ZNF714: variants seen among roughly 807,000 people sequenced by gnomAD.
ZNF714 encodes the protein zinc finger protein 714.
A neutral mutation model predicts 46.2 loss-of-function variants in ZNF714; 32 were observed. The observed-to-expected ratio is 0.69, with a 90% CI of 0.52 to 0.93. The LOEUF is 0.93. ZNF714 is among the 40% of genes least tolerant of loss of function. ZNF714 has a pLI of 0.00. For synonymous variants in ZNF714, 199 were observed against 213.1 expected, an observed-to-expected ratio of 0.93 and a Z score of 0.58; for missense variants, 635 against 646.3, an observed-to-expected ratio of 0.98 and a Z score of 0.19.
At chr19:21,091,964 A>T (rs897678362) in intron 2 of ZNF714, among the ~76,000 whole-genome samples, 4 of 152,140 alleles carry the variant, frequency 2.6e-5, no homozygotes, top group Non-Finnish European at 4.4e-5. Context: ...TCAGAATTCA[A>T]ATGTTAGACA....
Position 21,117,224 on chromosome 19 carries a change from C to T in ZNF714, c.560C>T (p.Thr187Ile). ...ECDKVFKRFS[T>I]LTRHKRVHTG... The stretch of plus-strand genomic sequence containing the variant: ...GACAAAGTGTTTAAGCGGTTCTCAA[C>T]CCTTACTAGACACAAGAGAGTTCAT... Residue 187 changes from threonine to isoleucine, a missense_variant, in exon 5 of 5, where the codon ACC becomes ATC. Thr to Ile is a moderately conservative substitution (Grantham distance 89). Coordinates refer to ENST00000456283, the MANE Select transcript of ZNF714 (RefSeq NM_182515.4). 6.2e-7 allele frequency: 1 copy of T among 1,613,914 alleles called. No homozygotes were observed. The highest frequency in any genetic ancestry group is 8.5e-7 in the Non-Finnish European group (1 of 1,179,918).
chr19:21,101,005 G>A (rs1232197860), intron 4 of ZNF714, among the ~76,000 whole-genome samples: 4 of 152,144 alleles, frequency 2.6e-5, no homozygotes, highest in East Asian at 1.9e-4. Flanking sequence ...CACCAAGCCC[G>A]GCTTTTTAGA....
Position 21,082,242 on chromosome 19 carries a change from T to C in ZNF714, c.-283T>C. 1 of 1,243,244 alleles carries C rather than the reference T, an allele frequency of 8.0e-7. No individual in the cohort carries two copies. Among genetic ancestry groups the C allele is most frequent in the Non-Finnish European group, 1.1e-6 (1 of 898,918 alleles). The allele number at this position is 1,243,244 out of a possible 1,614,324, so 77.0% of individuals were successfully genotyped here. On this transcript the variant is annotated 5_prime_UTR_variant, in exon 1 of 5. Coordinates refer to ENST00000456283, the MANE Select transcript of ZNF714 (RefSeq NM_182515.4). ...CTGGAGCTGCAGGTCTCGCCTTCAC[T>C]GCCCTGTGTCCTCTGCTCGCAGAGG...
intron 4 of ZNF714, among the ~76,000 whole-genome samples, chr19:21,109,797 A>G: frequency 7.0e-6 from 1 of 142,370 alleles, no homozygotes; most frequent in Admixed American, 7.2e-5. Context: ...CCCATATGTC[A>G]TGTGTTCTTA....
At position 21,117,844 on chromosome 19, in the gene ZNF714, G is replaced by A. The variant is rs745535586; in HGVS notation, c.1180G>A (p.Glu394Lys). 6.2e-7 allele frequency: 1 copy of A among 1,612,272 alleles called. No homozygotes were observed. The highest frequency in any genetic ancestry group is 8.5e-7 in the Non-Finnish European group (1 of 1,179,214). The change falls in exon 5 of 5, where the codon GAG (glutamate) becomes AAG (lysine). Residue 394 changes from glutamate (E) to lysine (K), a missense_variant. Glu to Lys is a moderately conservative substitution (Grantham distance 56). Transcript: ENST00000456283. Reference protein sequence around the residue: ...LTIHKIIHTGEKPYKCEECGK... With the variant: ...LTIHKIIHTGKKPYKCEECGK... Reference sequence around the variant, plus strand: ...TATACATAAGATAATTCATACTGGAGAGAAACCTTACAAATGTGAAGAATG... The same window carrying A: ...TATACATAAGATAATTCATACTGGAAAGAAACCTTACAAATGTGAAGAATG...
chr19:21,086,388 G>A (rs1968779829), intron 2 of ZNF714, among the ~76,000 whole-genome samples: 1 of 152,076 alleles, frequency 6.6e-6, no homozygotes, highest in Non-Finnish European at 1.5e-5. Context: ...CCATAGGCAG[G>A]GCAGCACCGA....
chr19:21,109,087 G>T (rs1194403969), intron 4 of ZNF714, among the ~76,000 whole-genome samples: 1 of 94,706 alleles, frequency 1.1e-5, no homozygotes, highest in Non-Finnish European at 2.5e-5. Flanking sequence ...GTTACTATTT[G>T]CATGGAATAT....
rs1968667702 is a variant in ZNF714 at position 21,082,268 on chromosome 19, C to T, written c.-257C>T. 3 of 1,397,624 alleles carry T rather than the reference C, an allele frequency of 2.1e-6. No homozygotes were observed. Among genetic ancestry groups the T allele is most frequent in the African/African-American group, 2.8e-5 (2 of 70,858 alleles). 86.6% of individuals were successfully genotyped at this position (1,397,624 alleles called of 1,614,324 possible). A position where few individuals can be genotyped will look rare whatever the true frequency, so the allele number is the denominator to read the frequency against. ...GCCCTGTGTCCTCTGCTCGCAGAGG[C>T]CCAGCCTCTGTGGCCCTGTGACCTG... On this transcript the variant is annotated 5_prime_UTR_variant, in exon 1 of 5. Coordinates refer to ENST00000456283, the MANE Select transcript of ZNF714 (RefSeq NM_182515.4).
chr19:21,083,189 A>T (rs1968698188), intron 1 of ZNF714, among the ~76,000 whole-genome samples: 1 of 152,074 alleles, frequency 6.6e-6, no homozygotes, highest in Non-Finnish European at 1.5e-5. Context: ...GGCATGCGCC[A>T]CCACGCCCGT....
intron 4 of ZNF714, among the ~76,000 whole-genome samples, chr19:21,112,711 T>A (rs1353167714): frequency 6.6e-6 from 1 of 151,762 alleles, no homozygotes. Context: ...ATTTGGGTAT[T>A]TAGTGCTATA....
intron 4 of ZNF714, among the ~76,000 whole-genome samples, chr19:21,116,294 C>T (rs1969595578): frequency 6.6e-6 from 1 of 152,142 alleles, no homozygotes; most frequent in Non-Finnish European, 1.5e-5. Flanking sequence ...AGTCTCTCTG[C>T]TGCTGTAACA....
intron 4 of ZNF714, among the ~76,000 whole-genome samples, chr19:21,115,667 T>G (rs1055486848): frequency 8.3e-4 from 126 of 152,108 alleles, no homozygotes; most frequent in African/African-American, 2.8e-3. Flanking sequence ...CATTTTTATC[T>G]TGCAGCTCCA....
intron 4 of ZNF714, among the ~76,000 whole-genome samples, chr19:21,105,283 A>G (rs1969283651): frequency 6.6e-6 from 1 of 151,820 alleles, no homozygotes; most frequent in Non-Finnish European, 1.5e-5. Flanking sequence ...GGCCTCTCAA[A>G]GTGCTGGGAT....
intron 2 of ZNF714, among the ~76,000 whole-genome samples, chr19:21,086,065 A>T (rs561731012): frequency 6.6e-6 from 1 of 152,308 alleles, no homozygotes; most frequent in East Asian, 1.9e-4. Context: ...TTTAAATCAG[A>T]GAATGTTTTA....
intron 2 of ZNF714, among the ~76,000 whole-genome samples, chr19:21,088,206 T>C (rs7246723): frequency 0.82 from 124,530 of 152,136 alleles, 52,947 homozygotes; most frequent in Middle Eastern, 0.93. Flanking sequence ...CATAAATTTC[T>C]TTTAGTGAAT....
rs1173959400 is a variant in ZNF714 at position 21,117,832 on chromosome 19, A to C, written c.1168A>C (p.Ile390Leu). The change falls in exon 5 of 5, where the codon ATT becomes CTT. Residue 390 changes from isoleucine to leucine, a missense_variant. By Grantham distance (5) the Ile-to-Leu change is conservative (BLOSUM62 2). Transcript: ENST00000456283. ...CTCAAAACTTACTATACATAAGATAATTCATACTGGAGAGAAACCTTACAA... is the reference window on the plus strand; with the variant it reads ...CTCAAAACTTACTATACATAAGATACTTCATACTGGAGAGAAACCTTACAA... The part of the protein sequence containing the change: ...HSSKLTIHKI[I>L]HTGEKPYKCE... 1 of 1,612,222 alleles carries C rather than the reference A, an allele frequency of 6.2e-7. No individual in the cohort carries two copies. Among genetic ancestry groups the C allele is most frequent in the South Asian group, 1.1e-5 (1 of 91,058 alleles).
chr19:21,106,617 A>G (rs573022658), intron 4 of ZNF714, among the ~76,000 whole-genome samples: 1 of 151,804 alleles, frequency 6.6e-6, no homozygotes, highest in Admixed American at 6.6e-5. Flanking sequence ...CAAGGAAATG[A>G]TTCAACTTTA....
At chr19:21,083,133 G>A (rs917938854) in intron 1 of ZNF714, among the ~76,000 whole-genome samples, 1 of 152,158 alleles carries the variant, frequency 6.6e-6, no homozygotes, top group South Asian at 2.1e-4. Flanking sequence ...TGCCTCCCGG[G>A]TTCAAGCGAT....
At chr19:21,107,109 G>C (rs73024637) in intron 4 of ZNF714, among the ~76,000 whole-genome samples, 10,794 of 152,284 alleles carry the variant, frequency 0.071, 472 homozygotes, top group Non-Finnish European at 0.086. Context: ...ACAGACATGA[G>C]CCACGGTACC....
Sources: allele counts gnomAD v4.1 joint callset (sites outside exome capture counted in the v4.1 genomes callset), GRCh38; gene constraint gnomAD v4.1.1; transcripts MANE v1.5; gene names NCBI Gene and HGNC (gene_info 2026-07-23, HGNC 2026-07-21).